The following MRRF variants were observed in gnomAD, a reference collection of about 807,000 sequenced individuals.
MRRF encodes ribosome-recycling factor, mitochondrial.
A neutral mutation model predicts 25.1 loss-of-function variants in MRRF; 18 were observed. That is an observed-to-expected ratio of 0.72 (90% CI 0.50 to 1.06). MRRF has a LOEUF of 1.06. MRRF is among the 50% of genes least tolerant of loss of function. The pLI is 0.00. For synonymous variants in MRRF, 113 were observed against 112.1 expected (o/e 1.01, Z -0.05); for missense variants, 323 against 319.3 (o/e 1.01, Z -0.09).
chr9:122,270,564 TCTGCTGCATATTTGC>T (rs1832385692), intron 1 of MRRF, among the ~76,000 whole-genome samples: 2 of 152,336 alleles, frequency 1.3e-5, no homozygotes, highest in Admixed American at 1.3e-4. Flanking sequence ...AAAGTTTTAG[TCTGCTGCATATTTGC>T]TTAATGGGCA....
At chr9:122,271,899 A>G (rs1832485950) in intron 2 of MRRF, among the ~76,000 whole-genome samples, 1 of 152,186 alleles carries the variant, frequency 6.6e-6, no homozygotes, top group African/African-American at 2.4e-5. Flanking sequence ...ATGCTGCTGA[A>G]TATTTTCCCA....
chr9:122,280,546 A>G lies in MRRF; in HGVS notation c.288A>G (p.Ile96Met), dbSNP rs1304819810. Residue 96 changes from isoleucine (I) to methionine (M), a missense_variant, in exon 3 of 7, where the codon ATA becomes ATG. By Grantham distance (10) the Ile-to-Met change is conservative. Coordinates refer to ENST00000344641, the MANE Select transcript of MRRF (RefSeq NM_138777.5). ...EEVNEEMKSVIEALKDNFNKT... is the reference protein window; with the variant it reads ...EEVNEEMKSVMEALKDNFNKT... ...TGAATGAAGAAATGAAGTCTGTGAT[A>G]GAAGCTCTCAAGGATAATTTCAATA... The G allele has an allele frequency of 1.9e-6, 3 of 1,613,930 alleles. No homozygotes were observed. Among genetic ancestry groups the G allele is most frequent in the Middle Eastern group, 1.6e-4 (1 of 6,084 alleles).
intron 5 of MRRF, among the ~76,000 whole-genome samples, chr9:122,294,998 A>T (rs1833999059): frequency 6.6e-6 from 1 of 152,226 alleles, no homozygotes; most frequent in African/African-American, 2.4e-5. Context: ...TCAGGAAAGC[A>T]GAAAAGTATA....
intron 2 of MRRF, among the ~76,000 whole-genome samples, chr9:122,272,365 C>A (rs1588004791): frequency 6.6e-6 from 1 of 152,074 alleles, no homozygotes; most frequent in African/African-American, 2.4e-5. Flanking sequence ...TCTTTGATTG[C>A]CTCTTTAAAA....
At chr9:122,322,516 C>T (rs1199588083) in intron 6 of MRRF, 24 bp from the exon 7 acceptor site, 3 of 1,609,052 alleles carry the variant, frequency 1.9e-6, no homozygotes, top group Non-Finnish European at 2.6e-6. Context: ...ATTAATCAGG[C>T]TGTCTCATTT....
chr9:122,288,706 T>C (rs1024559567), intron 4 of MRRF, among the ~76,000 whole-genome samples: 7 of 152,222 alleles, frequency 4.6e-5, no homozygotes, highest in African/African-American at 1.7e-4. Context: ...GTAATTGATA[T>C]GGCACTAGCA....
rs1836267356 is a variant in MRRF at position 122,330,922 on chromosome 9, T to A, written c.*8305T>A. The stretch of plus-strand genomic sequence containing the variant: ...TGCAGCATGGGCAACAGAGCGAGAC[T>A]CTGTCTCCACACAGAGGAACACTTG... On this transcript the variant is annotated 3_prime_UTR_variant, in exon 7 of 7. Transcript: ENST00000344641. The surrounding 1 kb of genome is among the most constrained non-coding windows in gnomAD (Gnocchi z 4.2). 1 of 152,226 alleles carries A rather than the reference T, an allele frequency of 6.6e-6. No individual in the cohort carries two copies. The highest frequency in any genetic ancestry group is 1.5e-5 in the Non-Finnish European group (1 of 68,084). The allele number at this position is 152,226 out of a possible 1,614,324, so 9.4% of individuals were successfully genotyped here.
At chr9:122,266,346 C>T (rs1205700833) in intron 1 of MRRF, among the ~76,000 whole-genome samples, 6 of 152,106 alleles carry the variant, frequency 3.9e-5, no homozygotes, top group Admixed American at 3.3e-4. Flanking sequence ...AGGAGATGGC[C>T]AAGGAAGCCG....
chr9:122,289,597 G>GTT (rs112850742), intron 4 of MRRF, among the ~76,000 whole-genome samples: 2 of 140,564 alleles, frequency 1.4e-5, no homozygotes, highest in East Asian at 2.1e-4. Context: ...TTTAGAATCT[G>GTT]TTTTTTTTTT....
chr9:122,331,172 C>T lies in MRRF; in HGVS notation c.*8555C>T, dbSNP rs1165717166. 1 of 152,138 alleles carries T rather than the reference C, an allele frequency of 6.6e-6. No homozygotes were observed. Among genetic ancestry groups the T allele is most frequent in the Non-Finnish European group, 1.5e-5 (1 of 68,034 alleles). The allele number at this position is 152,138 out of a possible 1,614,324, so 9.4% of individuals were successfully genotyped here. On this transcript the variant is annotated 3_prime_UTR_variant, in exon 7 of 7. Transcript: ENST00000344641. ...CTGGTTTCCAATGAGGCCAGAGAAC[C>T]TGTGCTGATCCCTAACATCTTCACC...
chr9:122,325,896 T>G lies in MRRF; in HGVS notation c.*3279T>G, dbSNP rs1460893553. On this transcript the variant is annotated 3_prime_UTR_variant, in exon 7 of 7. Transcript: ENST00000344641. Reference sequence around the variant, plus strand: ...ATGCAGTGGCACAATCATAGCTCACTGCAGCCTTGAACTCTTTGGCTCATG... The same window carrying G: ...ATGCAGTGGCACAATCATAGCTCACGGCAGCCTTGAACTCTTTGGCTCATG... 2.6e-5 allele frequency: 4 copies of G among 151,846 alleles called. No homozygotes were observed. Among genetic ancestry groups the G allele is most frequent in the Admixed American group, 6.6e-5 (1 of 15,222 alleles). The allele number at this position is 151,846 out of a possible 1,614,324, so 9.4% of individuals were successfully genotyped here.
At chr9:122,293,027 T>C (rs1833875429) in intron 5 of MRRF, among the ~76,000 whole-genome samples, 1 of 152,154 alleles carries the variant, frequency 6.6e-6, no homozygotes, top group African/African-American at 2.4e-5. Flanking sequence ...CCTCTCTTCC[T>C]CGGGCTTCCC....
intron 2 of MRRF, among the ~76,000 whole-genome samples, chr9:122,273,141 C>A (rs1832562662): frequency 1.3e-5 from 2 of 152,158 alleles, no homozygotes; most frequent in African/African-American, 4.8e-5. Context: ...ATCATAGTGT[C>A]AAGTTTTCTC....
At chr9:122,309,739 G>A (rs775268293) in intron 5 of MRRF, among the ~76,000 whole-genome samples, 2 of 152,050 alleles carry the variant, frequency 1.3e-5, no homozygotes, top group Non-Finnish European at 2.9e-5. Flanking sequence ...CCTTTTTTCT[G>A]TCATAATGTC....
rs942550443 is a variant in MRRF at position 122,330,077 on chromosome 9, C to T, written c.*7460C>T. On this transcript the variant is annotated 3_prime_UTR_variant, in exon 7 of 7. Transcript: ENST00000344641. This position sits in a 1 kb window ranked among gnomAD's most constrained non-coding sequence, Gnocchi z 4.2. Reference sequence around the variant, plus strand: ...ACATCTTAAGGGACCGCATGGCATCCAAGGCCACTGGCATCTACTGTACTC... The same window carrying T: ...ACATCTTAAGGGACCGCATGGCATCTAAGGCCACTGGCATCTACTGTACTC... 9.2e-5 allele frequency: 14 copies of T among 152,438 alleles called. No homozygotes were observed. The highest frequency in any genetic ancestry group is 3.1e-4 in the African/African-American group (13 of 41,574). 9.4% of individuals were successfully genotyped at this position (152,438 alleles called of 1,614,324 possible). A position where few individuals can be genotyped will look rare whatever the true frequency, so the allele number is the denominator to read the frequency against.
chr9:122,302,707 C>T lies in MRRF; in HGVS notation c.552-10520C>T, dbSNP rs181032133. 3.0e-3 allele frequency among the ~76,000 whole-genome samples: 461 copies of T among 152,200 alleles called. 1 individual carries two copies. The highest frequency in any genetic ancestry group is 4.4e-3 in the Non-Finnish European group (301 of 68,008). The stretch of plus-strand genomic sequence containing the variant: ...TTTTTGTGTGAACATGCTTTTAATT[C>T]TCTTGGATATAAACCTAGGAGTGGT... On this transcript the variant is annotated intron_variant, in intron 5 of 6. Transcript: ENST00000344641.
intron 5 of MRRF, among the ~76,000 whole-genome samples, chr9:122,312,595 G>T (rs1455876527): frequency 6.6e-6 from 1 of 152,172 alleles, no homozygotes; most frequent in Non-Finnish European, 1.5e-5. Context: ...CAGGACCCAG[G>T]GGGCAGAGGA....
intron 2 of MRRF, among the ~76,000 whole-genome samples, chr9:122,274,094 T>A (rs1291065937): frequency 6.6e-6 from 1 of 152,156 alleles, no homozygotes; most frequent in East Asian, 1.9e-4. Context: ...TGTCATTGGA[T>A]TGGCTAGGAA....
intron 6 of MRRF, among the ~76,000 whole-genome samples, chr9:122,321,193 A>T (rs545637584): frequency 6.6e-6 from 1 of 152,298 alleles, no homozygotes; most frequent in East Asian, 1.9e-4. Flanking sequence ...TTAAAAATAC[A>T]CAATTTTTTG....
Sources: allele counts gnomAD v4.1 joint callset (sites outside exome capture counted in the v4.1 genomes callset), GRCh38; gene constraint gnomAD v4.1.1; non-coding constraint Gnocchi (gnomAD v3.1); transcripts MANE v1.5; gene names NCBI Gene and HGNC (gene_info 2026-07-23, HGNC 2026-07-21).